Variants in NAV2 observed in about 807,000 individuals in gnomAD.
The protein encoded by NAV2 is helicase, APC down-regulated 1.
In NAV2, 54 loss-of-function variants were observed where a neutral mutation model predicts 223.2. That is an observed-to-expected ratio of 0.24 (90% CI 0.19 to 0.30). NAV2 has a LOEUF of 0.30. Ranked by LOEUF, NAV2 falls within the 10% of genes least tolerant of loss-of-function variation. NAV2 has a pLI of 1.00. For missense variants in NAV2, 2,806 were observed against 3,147.5 expected (o/e 0.89, Z 2.60); for synonymous variants, 1,279 against 1,239.3 (o/e 1.03, Z -0.67).
At chr11:19,527,787 C>A (rs140614163) in intron 1 of NAV2, among the ~76,000 whole-genome samples, 88 of 152,260 alleles carry the variant, frequency 5.8e-4, no homozygotes, top group South Asian at 3.3e-3. Context: ...CTGACTTAGG[C>A]TCTTGATTTG....
At chr11:19,974,282 G>C (rs1849818291) in intron 10 of NAV2, among the ~76,000 whole-genome samples, 1 of 152,198 alleles carries the variant, frequency 6.6e-6, no homozygotes, top group Non-Finnish European at 1.5e-5. Context: ...TAAAAATGCA[G>C]ACTTGGGGGA....
intron 1 of NAV2, among the ~76,000 whole-genome samples, chr11:19,827,777 G>A (rs2059714986): frequency 6.6e-6 from 1 of 152,108 alleles, no homozygotes; most frequent in Non-Finnish European, 1.5e-5. Flanking sequence ...GCATAATACT[G>A]AATGACAGCC....
chr11:19,692,674 A>T (rs1035932466), intron 1 of NAV2, among the ~76,000 whole-genome samples: 19 of 152,204 alleles, frequency 1.2e-4, no homozygotes, highest in Non-Finnish European at 2.8e-4. Context: ...GGCATTTTGC[A>T]TATTGATCAT....
intron 10 of NAV2, among the ~76,000 whole-genome samples, chr11:19,953,923 A>G (rs1354168352): frequency 6.6e-6 from 1 of 151,956 alleles, no homozygotes; most frequent in Non-Finnish European, 1.5e-5. Context: ...GGCAGACAGC[A>G]CTCATTATTT....
intron 1 of NAV2, among the ~76,000 whole-genome samples, chr11:19,684,760 G>A (rs187475924): frequency 6.6e-6 from 1 of 152,110 alleles, no homozygotes; most frequent in South Asian, 2.1e-4. Context: ...CAGCCCTTCC[G>A]GGATGATTGA....
At chr11:19,553,096 C>G (rs903038066) in intron 1 of NAV2, among the ~76,000 whole-genome samples, 6 of 152,196 alleles carry the variant, frequency 3.9e-5, no homozygotes, top group Non-Finnish European at 8.8e-5. Flanking sequence ...GAAAATGTCC[C>G]TTGGTGAGGA....
chr11:19,555,379 C>T (rs1590510395), intron 1 of NAV2, among the ~76,000 whole-genome samples: 1 of 152,230 alleles, frequency 6.6e-6, no homozygotes, highest in African/African-American at 2.4e-5. Flanking sequence ...CAAGGCAGCT[C>T]TTTCATCCAG....
chr11:19,783,274 G>C (rs2056873492), intron 1 of NAV2, among the ~76,000 whole-genome samples: 2 of 152,156 alleles, frequency 1.3e-5, no homozygotes, highest in Non-Finnish European at 2.9e-5. Context: ...CAGTCCATTG[G>C]TGGATGAAGT....
intron 19 of NAV2, among the ~76,000 whole-genome samples, chr11:20,060,123 C>T (rs1018059980): frequency 3.9e-5 from 6 of 152,274 alleles, no homozygotes; most frequent in East Asian, 3.9e-4. Context: ...ATGCTTGTAC[C>T]GAGTTGTTGC....
chr11:19,670,684 C>T (rs888006262), intron 1 of NAV2, among the ~76,000 whole-genome samples: 1 of 152,146 alleles, frequency 6.6e-6, no homozygotes, highest in Admixed American at 6.5e-5. Flanking sequence ...CCCTCCACAC[C>T]CAAAGGAAGG....
At chr11:19,491,582 A>G (rs1451787538) in intron 1 of NAV2, among the ~76,000 whole-genome samples, 1 of 152,184 alleles carries the variant, frequency 6.6e-6, no homozygotes, top group East Asian at 1.9e-4. Context: ...TCGTGTCTCT[A>G]AATTAGACTT....
chr11:19,407,988 G>A (rs754277664), intron 1 of NAV2, among the ~76,000 whole-genome samples: 6 of 152,136 alleles, frequency 3.9e-5, no homozygotes, highest in East Asian at 1.9e-4. Flanking sequence ...GCAAATTGTC[G>A]GCAAGCCCAT....
chr11:19,748,820 A>G (rs2053577382), intron 1 of NAV2, among the ~76,000 whole-genome samples: 1 of 152,248 alleles, frequency 6.6e-6, no homozygotes, highest in South Asian at 2.1e-4. Flanking sequence ...GACAATGAGC[A>G]TATCCCTCAG....
In NAV2 at chr11:19,597,474, A is replaced by C. The variant is rs116788014; in HGVS notation, c.76-235010A>C. On this transcript the variant is annotated intron_variant, in intron 1 of 37. Transcript: ENST00000360655. ...TGACTTCCCTGGGGCAGAAATCTCC[A>C]ATATGACTAATATCTCTTGGAGGGC... Among the ~76,000 whole-genome samples, 923 of 152,250 alleles carry C rather than the reference A, an allele frequency of 6.1e-3. 11 individuals are homozygous for C. The highest frequency in any genetic ancestry group is 0.021 in the African/African-American group (888 of 41,542).
intron 1 of NAV2, chr11:19,502,805 A>G (rs2043001344): frequency 6.6e-6 from 1 of 152,224 alleles, no homozygotes; most frequent in South Asian, 2.1e-4. Flanking sequence ...ATGCAGCCAC[A>G]TTAGCATGGT....
At chr11:20,056,274 C>T (rs1454011148) in intron 19 of NAV2, among the ~76,000 whole-genome samples, 1 of 152,222 alleles carries the variant, frequency 6.6e-6, no homozygotes, top group African/African-American at 2.4e-5. Flanking sequence ...CATGCGCCTC[C>T]ACCTTGAGGC....
At chr11:19,832,672 ACAGAGCACTGAAATCTCT>A (rs1358160892) in intron 2 of NAV2, 71 bp downstream of exon 2, 3 of 1,187,334 alleles carry the variant, frequency 2.5e-6, no homozygotes, top group Non-Finnish European at 3.8e-6. Context: ...GGTGAGGGGA[ACAGAGCACTGAAATCTCT>A]CAGAAGGCAG....
rs145089700 is a variant in NAV2 at position 19,798,834 on chromosome 11, A to G, written c.268-33650A>G. Among the ~76,000 whole-genome samples the G allele has an allele frequency of 3.9e-3, 589 of 152,306 alleles. 1 individual carries two copies. The highest frequency in any genetic ancestry group is 0.013 in the African/African-American group (557 of 41,552). ...AGGTTTAGCTGACTTCAAAGCTTGT[A>G]GTTTTCCTGGCAATGCCTGACTTCG... On this transcript the variant is annotated intron_variant, in intron 1 of 37. Coordinates refer to ENST00000349880, the MANE Select transcript of NAV2 (RefSeq NM_145117.5).
chr11:19,892,711 G>C, intron 6 of NAV2, 117 bp downstream of exon 6: 2 of 1,102,836 alleles, frequency 1.8e-6, no homozygotes, highest in Non-Finnish European at 2.5e-6. Flanking sequence ...TTGAGAATGA[G>C]TTACAAGGAC....
Sources: allele counts gnomAD v4.1 joint callset (sites outside exome capture counted in the v4.1 genomes callset), GRCh38; gene constraint gnomAD v4.1.1; transcripts MANE v1.5; gene names NCBI Gene and HGNC (gene_info 2026-07-23, HGNC 2026-07-21).